The following SH3D19 variants were observed in gnomAD, a reference collection of about 807,000 sequenced individuals.
SH3D19 encodes SH3 domain-containing protein 19.
SH3D19 carries 58 observed loss-of-function variants against 112.1 expected under a neutral mutation model. That is an observed-to-expected ratio of 0.52 (90% CI 0.42 to 0.64). The LOEUF is 0.64. SH3D19 is among the 30% of genes least tolerant of loss of function. The pLI is 0.00. For missense variants in SH3D19, 1,090 were observed against 1,263.4 expected (o/e 0.86, Z 2.08); for synonymous variants, 391 against 448.5 (o/e 0.87, Z 1.62).
At chr4:151,221,219 C>T (rs1561369361) in intron 2 of SH3D19, among the ~76,000 whole-genome samples, 1 of 152,228 alleles carries the variant, frequency 6.6e-6, no homozygotes, top group African/African-American at 2.4e-5. Context: ...TCTAAAAACA[C>T]AAACAAGAGA....
intron 1 of SH3D19, among the ~76,000 whole-genome samples, chr4:151,305,454 T>TAGAC (rs1728828222): frequency 6.6e-6 from 1 of 152,238 alleles, no homozygotes; most frequent in Non-Finnish European, 1.5e-5. Context: ...ACAGTGTCTT[T>TAGAC]AGCTCTTTGA....
intron 11 of SH3D19, among the ~76,000 whole-genome samples, chr4:151,144,839 A>G (rs1363555327): frequency 6.6e-6 from 1 of 152,170 alleles, no homozygotes; most frequent in African/African-American, 2.4e-5. Flanking sequence ...TGGTTTTTAC[A>G]TCTGTACTGG....
At chr4:151,242,596 C>T (rs924803756) in intron 1 of SH3D19, among the ~76,000 whole-genome samples, 2 of 152,132 alleles carry the variant, frequency 1.3e-5, no homozygotes, top group African/African-American at 4.8e-5. Context: ...AAAAGCATCA[C>T]ATTTTTATTA....
intron 1 of SH3D19, among the ~76,000 whole-genome samples, chr4:151,228,853 T>C: frequency 1.9e-5 from 1 of 51,794 alleles, no homozygotes; most frequent in South Asian, 4.3e-4. Flanking sequence ...AATTTTTTCT[T>C]TTCTTTTTTT....
intron 1 of SH3D19, among the ~76,000 whole-genome samples, chr4:151,308,715 C>G (rs1473874856): frequency 1.3e-5 from 2 of 152,194 alleles, no homozygotes; most frequent in African/African-American, 4.8e-5. Flanking sequence ...GCCATGGAAG[C>G]AGACATCAAT....
chr4:151,175,492 G>C lies in SH3D19; in HGVS notation c.712C>G (p.Pro238Ala), dbSNP rs1233271866. 6.9e-7 allele frequency: 1 copy of C among 1,457,374 alleles called. No individual in the cohort carries two copies. Among genetic ancestry groups the C allele is most frequent in the Admixed American group, 2.8e-5 (1 of 35,362 alleles). 90.3% of individuals were successfully genotyped at this position (1,457,374 alleles called of 1,614,324 possible). A position where few individuals can be genotyped will look rare whatever the true frequency, so the allele number is the denominator to read the frequency against. Reference protein sequence around the residue: ...PRSKSNLRPIPRDSHIKEQSQ... With the variant: ...PRSKSNLRPIARDSHIKEQSQ... ...TGCTCTTTAATGTGAGAATCTCTGGGTATTGGTCTGAGGTTGCTTTTTGAT... is the reference window on the plus strand; with the variant it reads ...TGCTCTTTAATGTGAGAATCTCTGGCTATTGGTCTGAGGTTGCTTTTTGAT... Residue 238 changes from proline to alanine, a missense_variant, in exon 7 of 20, where the codon CCC (proline) becomes GCC (alanine). Coordinates refer to ENST00000604030, the MANE Select transcript of SH3D19 (RefSeq NM_001378122.1).
At chr4:151,145,483 G>C (rs867615811) in intron 11 of SH3D19, among the ~76,000 whole-genome samples, 1 of 151,898 alleles carries the variant, frequency 6.6e-6, no homozygotes, top group Non-Finnish European at 1.5e-5. Flanking sequence ...GCCCCTGCCC[G>C]CAAGAGAACA....
At position 151,165,797 on chromosome 4, in the gene SH3D19, G is replaced by A. The variant is rs1386464260; in HGVS notation, c.1535-101C>T. ...GAGTCATATTTTTCATGCCCCTGGG[G>A]AAACTATTCATGGATAAACAAAATC... On this transcript the variant is annotated intron_variant, in intron 7 of 19. Coordinates refer to ENST00000604030, the MANE Select transcript of SH3D19 (RefSeq NM_001378122.1). The A allele has an allele frequency of 3.1e-6, 3 of 968,684 alleles. No individual in the cohort carries two copies. The African/African-American group carries it at 4.9e-5, about 16-fold the overall frequency. 60.0% of individuals were successfully genotyped at this position (968,684 alleles called of 1,614,324 possible).
At position 151,139,100 on chromosome 4, in the gene SH3D19, C is replaced by G. The variant is rs535292826; in HGVS notation, c.2296+675G>C. 1.8e-3 allele frequency among the ~76,000 whole-genome samples: 273 copies of G among 152,190 alleles called. 1 individual carries two copies. The highest frequency in any genetic ancestry group is 5.3e-3 in the African/African-American group (222 of 41,524). Reference sequence around the variant, plus strand: ...TCGGCCTCACAAAGTGCTGGGATTACAGGTGTAAGCCACTGTGCCCAGCCA... The same window carrying G: ...TCGGCCTCACAAAGTGCTGGGATTAGAGGTGTAAGCCACTGTGCCCAGCCA... On this transcript the variant is annotated intron_variant, in intron 13 of 19. Coordinates refer to ENST00000604030, the MANE Select transcript of SH3D19 (RefSeq NM_001378122.1).
At chr4:151,143,866 C>A in intron 12 of SH3D19, 44 bp downstream of exon 12, 1 of 1,557,532 alleles carries the variant, frequency 6.4e-7, no homozygotes. Context: ...ATGAAATGTG[C>A]TGCTATGTGT....
intron 1 of SH3D19, chr4:151,277,109 G>T (rs1287185101): frequency 3.2e-6 from 4 of 1,254,084 alleles, no homozygotes; most frequent in Non-Finnish European, 1.0e-6. Flanking sequence ...GCTCCCCATT[G>T]GCCTCTTCCT....
rs1730958741 is a variant in SH3D19 at position 151,325,488 on chromosome 4, G to C, written c.-136C>G. 1 of 355,546 alleles carries C rather than the reference G, an allele frequency of 2.8e-6. No individual in the cohort carries two copies. Among genetic ancestry groups the C allele is most frequent in the Non-Finnish European group, 4.8e-6 (1 of 210,006 alleles). 22.0% of individuals were successfully genotyped at this position (355,546 alleles called of 1,614,324 possible). ...GGCTCCCGGAGAGGAGGCGTCGGCG[G>C]CGGCTGTGGAAATGGCCACCTCCGC... is the stretch of plus-strand genomic sequence containing the variant. On this transcript the variant is annotated 5_prime_UTR_variant, in exon 1 of 20. Coordinates refer to ENST00000604030, the MANE Select transcript of SH3D19 (RefSeq NM_001378122.1).
At chr4:151,235,563 T>C (rs997336820) in intron 1 of SH3D19, among the ~76,000 whole-genome samples, 1 of 152,150 alleles carries the variant, frequency 6.6e-6, no homozygotes, top group Non-Finnish European at 1.5e-5. Context: ...GGGAGGTGAA[T>C]CACATGAGGC....
At chr4:151,193,948 C>G (rs1763015959) in intron 2 of SH3D19, among the ~76,000 whole-genome samples, 1 of 150,650 alleles carries the variant, frequency 6.6e-6, no homozygotes, top group South Asian at 2.1e-4. Flanking sequence ...TATAGAAAAC[C>G]TAAAAAGACA....
At chr4:151,212,909 C>T (rs977061955) in intron 2 of SH3D19, among the ~76,000 whole-genome samples, 16 of 152,174 alleles carry the variant, frequency 1.1e-4, no homozygotes, top group East Asian at 7.7e-4. Context: ...AGGAGGGCAA[C>T]GTAACAACAT....
chr4:151,188,692 G>C (rs1762156362), intron 2 of SH3D19, among the ~76,000 whole-genome samples: 1 of 152,200 alleles, frequency 6.6e-6, no homozygotes, highest in Admixed American at 6.5e-5. Context: ...ATGATATTAT[G>C]AATTTAAAAC....
chr4:151,170,724 C>T lies in SH3D19; in HGVS notation c.1534+3946G>A, dbSNP rs1758898523. 1.3e-5 allele frequency: 2 copies of T among 152,150 alleles called. 1 individual carries two copies. The highest frequency in any genetic ancestry group is 2.9e-5 in the Non-Finnish European group (2 of 68,024). 9.4% of individuals were successfully genotyped at this position (152,150 alleles called of 1,614,324 possible). A position where few individuals can be genotyped will look rare whatever the true frequency, so the allele number is the denominator to read the frequency against. ...CCCAGTTTCTTTCAGCCTAATTATG[C>T]TTATGTTCAGCTCTTTTAAAAAGAT... On this transcript the variant is annotated intron_variant, in intron 7 of 19. Coordinates refer to ENST00000604030, the MANE Select transcript of SH3D19 (RefSeq NM_001378122.1).
At chr4:151,282,265 A>G in intron 1 of SH3D19, 1 of 1,613,972 alleles carries the variant, frequency 6.2e-7, no homozygotes, top group Non-Finnish European at 8.5e-7. Context: ...ACCAAGATAC[A>G]ACGGCAGACG....
intron 2 of SH3D19, among the ~76,000 whole-genome samples, chr4:151,188,996 T>C (rs938955523): frequency 2.6e-5 from 4 of 152,108 alleles, no homozygotes; most frequent in Admixed American, 2.0e-4. Flanking sequence ...CATAAGCTAA[T>C]AGGCAAGGAA....
Sources: allele counts gnomAD v4.1 joint callset (sites outside exome capture counted in the v4.1 genomes callset), GRCh38; gene constraint gnomAD v4.1.1; transcripts MANE v1.5; gene names NCBI Gene and HGNC (gene_info 2026-07-23, HGNC 2026-07-21).